The following ROCK1 variants were observed in gnomAD, a reference collection of about 807,000 sequenced individuals.
ROCK1 encodes the protein rho-associated protein kinase 1.
Under a neutral mutation model 196.8 loss-of-function variants are expected in ROCK1, and 36 were observed. The observed-to-expected ratio is 0.18, with a 90% confidence interval of 0.14 to 0.24. The LOEUF (loss-of-function observed/expected upper bound fraction) is 0.24, where lower values mean the gene tolerates loss of function less well. ROCK1 is among the 10% of genes least tolerant of loss of function. ROCK1 has a pLI of 1.00. For missense variants in ROCK1, 920 were observed against 1,562.0 expected (o/e 0.59, Z 6.93); for synonymous variants, 443 against 515.9 (o/e 0.86, Z 1.91).
chr18:20,968,822 T>C lies in ROCK1; in HGVS notation c.2953A>G (p.Lys985Glu). The C allele has an allele frequency of 6.2e-7, 1 of 1,608,980 alleles. No homozygotes were observed. The change falls in exon 25 of 33, where the codon AAG (lysine) becomes GAG (glutamate). Residue 985 changes from lysine (K) to glutamate (E), a missense_variant. This residue lies in a region of ROCK1 where 520 missense variants were observed against 657.1 expected (regional missense o/e 0.79). Transcript: ENST00000399799. ...TTGATATTCTTTTCAAAGGCAGCCT[T>C]AAGATTACTGATCTCCTCCTCCTTC... ...LEKEEEISNL[K>E]AAFEKNINTE...
chr18:20,980,712 T>C lies in ROCK1; in HGVS notation c.2560-708A>G, dbSNP rs1440300156. 3.3e-5 allele frequency among the ~76,000 whole-genome samples: 5 copies of C among 150,228 alleles called. No individual in the cohort carries two copies. The East Asian group carries it at 8.1e-4, about 24-fold the overall frequency. Reference sequence around the variant, plus strand: ...CGGGCAGATCACAAGGTCAGGAGATTGAGAGCATCCTGGCTAACACAGTGA... The same window carrying C: ...CGGGCAGATCACAAGGTCAGGAGATCGAGAGCATCCTGGCTAACACAGTGA... On this transcript the variant is annotated intron_variant, in intron 21 of 32. Transcript: ENST00000399799.
At chr18:21,007,397 A>C (rs2035777494) in intron 14 of ROCK1, among the ~76,000 whole-genome samples, 1 of 152,192 alleles carries the variant, frequency 6.6e-6, no homozygotes, top group Admixed American at 6.5e-5. Context: ...ATAGTATTCT[A>C]CCATATAGAT....
intron 16 of ROCK1, among the ~76,000 whole-genome samples, chr18:21,004,982 C>T (rs896691776): frequency 6.6e-5 from 10 of 152,232 alleles, no homozygotes; most frequent in South Asian, 2.1e-4. Context: ...TGAATTATAG[C>T]TAATCATCAA....
chr18:20,984,616 C>A, intron 19 of ROCK1, 81 bp from the exon 20 acceptor site: 2 of 1,006,980 alleles, frequency 2.0e-6, no homozygotes, highest in Non-Finnish European at 2.9e-6. Flanking sequence ...CTAACCAAAT[C>A]AAGTACATTA....
intron 8 of ROCK1, among the ~76,000 whole-genome samples, chr18:21,041,071 A>G (rs1011910696): frequency 6.6e-6 from 1 of 152,008 alleles, no homozygotes; most frequent in South Asian, 2.1e-4. Context: ...CAGTGAGCCG[A>G]GATCATGCCA....
intron 13 of ROCK1, among the ~76,000 whole-genome samples, chr18:21,008,968 A>G (rs433301): frequency 0.026 from 3,946 of 152,182 alleles, 178 homozygotes; most frequent in African/African-American, 0.089. Flanking sequence ...ATGTAGGTTC[A>G]TGTAAGCACC....
intron 22 of ROCK1, among the ~76,000 whole-genome samples, chr18:20,972,879 T>C (rs1280279568): frequency 6.6e-6 from 1 of 152,168 alleles, no homozygotes; most frequent in Non-Finnish European, 1.5e-5. Flanking sequence ...GTGGCTACCA[T>C]GTAGATAATG....
At chr18:21,020,415 A>C (rs1266075001) in intron 11 of ROCK1, among the ~76,000 whole-genome samples, 176 bp from the exon 12 acceptor site, 1 of 152,160 alleles carries the variant, frequency 6.6e-6, no homozygotes, top group Non-Finnish European at 1.5e-5. Flanking sequence ...AACATTTACT[A>C]AACGTTAGGC....
At chr18:21,095,529 G>T (rs1017144601) in intron 1 of ROCK1, among the ~76,000 whole-genome samples, 15 of 152,008 alleles carry the variant, frequency 9.9e-5, no homozygotes, top group Admixed American at 7.9e-4. Context: ...CCATAAAAAA[G>T]AATAAAATCC....
chr18:20,987,737 T>C (rs2143399626), intron 18 of ROCK1, among the ~76,000 whole-genome samples: 1 of 152,356 alleles, frequency 6.6e-6, no homozygotes, highest in Admixed American at 6.5e-5. Context: ...TTTCCCACTC[T>C]TGGAGACCAC....
intron 4 of ROCK1, among the ~76,000 whole-genome samples, chr18:21,047,036 T>A (rs1167565219): frequency 6.6e-6 from 1 of 152,106 alleles, no homozygotes; most frequent in African/African-American, 2.4e-5. Context: ...AGAAACAAAG[T>A]GGCATTTCAT....
At chr18:21,075,965 A>T (rs941796422) in intron 1 of ROCK1, among the ~76,000 whole-genome samples, 10 of 151,474 alleles carry the variant, frequency 6.6e-5, no homozygotes, top group African/African-American at 2.2e-4. Context: ...AAAAAAAAAA[A>T]AGGAAAGAAA....
chr18:21,050,489 T>C (rs562167815), intron 2 of ROCK1, among the ~76,000 whole-genome samples: 2 of 152,262 alleles, frequency 1.3e-5, no homozygotes, highest in East Asian at 3.9e-4. Context: ...TACTACAAAC[T>C]ACAATAATTC....
At chr18:21,090,910 T>C (rs1393989672) in intron 1 of ROCK1, among the ~76,000 whole-genome samples, 2 of 152,186 alleles carry the variant, frequency 1.3e-5, no homozygotes, top group Admixed American at 6.5e-5. Flanking sequence ...CAAAATTTAT[T>C]ACCATTTAGG....
chr18:21,046,274 T>C (rs1441227413), intron 4 of ROCK1, among the ~76,000 whole-genome samples: 1 of 152,198 alleles, frequency 6.6e-6, no homozygotes, highest in Non-Finnish European at 1.5e-5. Flanking sequence ...TATGAGACTA[T>C]AATCTCTTCT....
chr18:20,975,666 C>CT (rs1274506879), intron 22 of ROCK1, among the ~76,000 whole-genome samples: 2 of 151,896 alleles, frequency 1.3e-5, no homozygotes, highest in Admixed American at 1.3e-4. Context: ...GATGGAGTGC[C>CT]GTGGCACCAT....
intron 2 of ROCK1, among the ~76,000 whole-genome samples, chr18:21,067,806 T>C (rs2036349422): frequency 1.3e-5 from 2 of 152,228 alleles, no homozygotes; most frequent in East Asian, 3.8e-4. Flanking sequence ...AACCACTGCT[T>C]AGTCCGAGGT....
chr18:21,111,152 C>A lies in ROCK1; in HGVS notation c.-242G>T. 1.8e-6 allele frequency: 1 copy of A among 563,424 alleles called. No homozygotes were observed. Among genetic ancestry groups the A allele is most frequent in the Non-Finnish European group, 3.1e-6 (1 of 319,712 alleles). The allele number at this position is 563,424 out of a possible 1,614,324, so 34.9% of individuals were successfully genotyped here. On this transcript the variant is annotated 5_prime_UTR_variant, in exon 1 of 33. Transcript: ENST00000399799. This position sits in a 1 kb window ranked among gnomAD's most constrained non-coding sequence, Gnocchi z 4.2. ...CCCAAAGTCGCATCCCACCCGGCAG[C>A]CCCTCACGACAGCCGACAGCGCCGT...
intron 29 of ROCK1, among the ~76,000 whole-genome samples, chr18:20,959,046 TAA>T (rs2035285091): frequency 1.2e-4 from 6 of 50,582 alleles, no homozygotes; most frequent in African/African-American, 8.8e-4. Flanking sequence ...ATATAATATA[TAA>T]TATATATATT....
Sources: gnomAD v4.1 joint callset for allele counts (sites outside exome capture counted in the v4.1 genomes callset) on GRCh38, gnomAD v4.1.1 for gene constraint, gnomAD v4.1.1 regional missense constraint, Gnocchi (gnomAD v3.1) non-coding constraint, MANE v1.5 for transcripts, NCBI Gene and HGNC (gene_info 2026-07-23, HGNC 2026-07-21) for gene names.